Variants in SPATA16 observed in about 807,000 individuals in gnomAD.
SPATA16 encodes spermatogenesis associated 16, also known as spermatogenesis-associated protein 16.
Under a neutral mutation model 63.3 loss-of-function variants are expected in SPATA16, and 36 were observed. The observed-to-expected ratio is 0.57, with a 90% CI of 0.44 to 0.75. The LOEUF (loss-of-function observed/expected upper bound fraction) is 0.75. Ranked by LOEUF, SPATA16 falls within the 30% of genes least tolerant of loss-of-function variation. SPATA16 has a pLI of 0.00. For missense variants in SPATA16, 646 were observed against 679.3 expected (o/e 0.95, Z 0.54); for synonymous variants, 203 against 216.7 (o/e 0.94, Z 0.56).
intron 6 of SPATA16, among the ~76,000 whole-genome samples, chr3:172,926,259 A>G (rs1382663220): frequency 6.6e-6 from 1 of 152,244 alleles, no homozygotes; most frequent in African/African-American, 2.4e-5. Flanking sequence ...TCATCTAGCC[A>G]TAGGAGGAAA....
intron 1 of SPATA16, among the ~76,000 whole-genome samples, chr3:173,129,761 G>T (rs945016672): frequency 6.6e-6 from 1 of 152,074 alleles, no homozygotes; most frequent in Non-Finnish European, 1.5e-5. Flanking sequence ...TGTTCCCTGA[G>T]GATTTTGTGT....
chr3:172,910,018 T>C (rs946012169), intron 10 of SPATA16, among the ~76,000 whole-genome samples: 13 of 152,036 alleles, frequency 8.6e-5, no homozygotes, highest in Admixed American at 5.2e-4. Flanking sequence ...TTTGGATTTG[T>C]AAATACAAAT....
At chr3:172,959,713 T>G (rs1302555013) in intron 5 of SPATA16, among the ~76,000 whole-genome samples, 1 of 151,188 alleles carries the variant, frequency 6.6e-6, no homozygotes, top group East Asian at 1.9e-4. Context: ...TATTTTTTAT[T>G]CTTCTAGAGA....
chr3:172,933,724 C>T (rs1436510390), intron 6 of SPATA16, among the ~76,000 whole-genome samples: 1 of 152,114 alleles, frequency 6.6e-6, no homozygotes, highest in African/African-American at 2.4e-5. Flanking sequence ...CAGTGTGTTC[C>T]AATGTGTTCT....
At chr3:173,075,677 G>A (rs183472372) in intron 2 of SPATA16, among the ~76,000 whole-genome samples, 1 of 152,218 alleles carries the variant, frequency 6.6e-6, no homozygotes, top group East Asian at 1.9e-4. Flanking sequence ...GGCACAGAAA[G>A]ACAAATATCA....
chr3:173,015,177 C>A (rs146915381), intron 4 of SPATA16, among the ~76,000 whole-genome samples: 5,207 of 151,916 alleles, frequency 0.034, 309 homozygotes, highest in African/African-American at 0.12. Flanking sequence ...GATTCTCCAG[C>A]CTCAGCCTCC....
At chr3:172,935,320 T>C (rs1732957798) in intron 6 of SPATA16, among the ~76,000 whole-genome samples, 3 of 152,138 alleles carry the variant, frequency 2.0e-5, no homozygotes, top group Non-Finnish European at 2.9e-5. Context: ...TAGCCATTGT[T>C]TGAGACCCCA....
At chr3:173,094,676 TG>T (rs1198293517) in intron 2 of SPATA16, among the ~76,000 whole-genome samples, 15 of 143,000 alleles carry the variant, frequency 1.0e-4, no homozygotes, top group Non-Finnish European at 1.4e-4. Context: ...TTATGGGAGT[TG>T]TTTTTTTTTT....
chr3:173,097,956 G>A (rs1267212404), intron 2 of SPATA16, among the ~76,000 whole-genome samples: 1 of 152,090 alleles, frequency 6.6e-6, no homozygotes, highest in Non-Finnish European at 1.5e-5. Context: ...ATTAATTTTG[G>A]TACTATGTAG....
At chr3:173,053,784 C>A (rs2108296559) in intron 2 of SPATA16, among the ~76,000 whole-genome samples, 1 of 152,114 alleles carries the variant, frequency 6.6e-6, no homozygotes, top group South Asian at 2.1e-4. Flanking sequence ...AAAAGGCTGG[C>A]ATTGTTTGAG....
chr3:172,930,093 T>G (rs948474292), intron 6 of SPATA16, among the ~76,000 whole-genome samples: 4 of 152,214 alleles, frequency 2.6e-5, no homozygotes, highest in Non-Finnish European at 4.4e-5. Flanking sequence ...CTTGGCCAAA[T>G]TTCTCATCAC....
At chr3:173,132,296 A>C (rs1306171818) in intron 1 of SPATA16, among the ~76,000 whole-genome samples, 1 of 152,158 alleles carries the variant, frequency 6.6e-6, no homozygotes, top group Non-Finnish European at 1.5e-5. Context: ...ATAATGAAAA[A>C]TATTATTTAA....
intron 6 of SPATA16, among the ~76,000 whole-genome samples, chr3:172,944,264 C>A (rs566848715): frequency 3.3e-5 from 5 of 152,194 alleles, no homozygotes; most frequent in Non-Finnish European, 5.9e-5. Flanking sequence ...GAAAGATGCT[C>A]AACATCACTA....
intron 4 of SPATA16, among the ~76,000 whole-genome samples, chr3:173,016,102 C>T (rs1233763912): frequency 6.6e-6 from 1 of 152,182 alleles, no homozygotes; most frequent in Non-Finnish European, 1.5e-5. Context: ...GTGATTTTAT[C>T]AATTTAACCA....
intron 3 of SPATA16, among the ~76,000 whole-genome samples, chr3:173,023,858 C>T (rs1308349521): frequency 6.6e-6 from 1 of 151,242 alleles, no homozygotes; most frequent in Non-Finnish European, 1.5e-5. Flanking sequence ...TATATGCACA[C>T]ACATATTTGC....
chr3:173,012,096 A>T (rs1286790250), intron 4 of SPATA16, among the ~76,000 whole-genome samples: 1 of 152,188 alleles, frequency 6.6e-6, no homozygotes, highest in Non-Finnish European at 1.5e-5. Context: ...AAATTCCGGG[A>T]TTACAGACAT....
intron 7 of SPATA16, 58 bp from the exon 8 acceptor site, chr3:172,924,375 AT>A: frequency 1.4e-6 from 2 of 1,384,120 alleles, no homozygotes; most frequent in Non-Finnish European, 2.0e-6. Context: ...ATTTCAAAAT[AT>A]TTTCTTTAGC....
intron 2 of SPATA16, among the ~76,000 whole-genome samples, chr3:173,074,114 C>T (rs951616818): frequency 6.6e-6 from 1 of 152,220 alleles, no homozygotes; most frequent in African/African-American, 2.4e-5. Context: ...TGCCTATGCT[C>T]TCACTATATC....
intron 10 of SPATA16, among the ~76,000 whole-genome samples, chr3:172,906,903 G>T (rs550228309): frequency 2.6e-5 from 4 of 152,020 alleles, no homozygotes; most frequent in Non-Finnish European, 5.9e-5. Flanking sequence ...TACCACGCCC[G>T]GCTAATTTTT....
Sources: allele counts gnomAD v4.1 joint callset (sites outside exome capture counted in the v4.1 genomes callset), GRCh38; gene constraint gnomAD v4.1.1; transcripts MANE v1.5; gene names NCBI Gene and HGNC (gene_info 2026-07-23, HGNC 2026-07-21).